The following PRKCA variants were observed in gnomAD, a reference collection of about 807,000 sequenced individuals.
PRKCA encodes protein kinase C alpha type.
PRKCA carries 27 observed loss-of-function variants against 87.0 expected under a neutral mutation model. That is an observed-to-expected ratio of 0.31 (90% CI 0.23 to 0.43). The LOEUF is 0.43. PRKCA is among the 20% of genes least tolerant of loss of function. PRKCA has a pLI of 1.00. For synonymous variants in PRKCA, 329 were observed against 311.1 expected (o/e 1.06, Z -0.61); for missense variants, 518 against 852.3 (o/e 0.61, Z 4.88).
At chr17:66,576,540 T>G (rs750508222) in intron 3 of PRKCA, among the ~76,000 whole-genome samples, 4 of 152,250 alleles carry the variant, frequency 2.6e-5, no homozygotes, top group Admixed American at 6.5e-5. Context: ...TGATTCCTAT[T>G]GGTTTTTGCA....
intron 3 of PRKCA, among the ~76,000 whole-genome samples, chr17:66,532,181 A>G (rs1191866798): frequency 6.6e-6 from 1 of 151,136 alleles, no homozygotes; most frequent in Admixed American, 6.6e-5. Flanking sequence ...AACAACCTTG[A>G]GTCCCTTGAG....
At chr17:66,665,964 C>T (rs969463985) in intron 5 of PRKCA, among the ~76,000 whole-genome samples, 6 of 152,122 alleles carry the variant, frequency 3.9e-5, no homozygotes, top group African/African-American at 7.2e-5. Context: ...CAGGTTCACT[C>T]TTGGGATGAC....
chr17:66,432,265 C>T (rs1913139195), intron 2 of PRKCA, among the ~76,000 whole-genome samples: 1 of 152,008 alleles, frequency 6.6e-6, no homozygotes, highest in Admixed American at 6.6e-5. Context: ...TGGATGAGTG[C>T]CTTGTTGATC....
At chr17:66,736,724 A>G (rs1974038258) in intron 10 of PRKCA, among the ~76,000 whole-genome samples, 1 of 152,210 alleles carries the variant, frequency 6.6e-6, no homozygotes, top group Non-Finnish European at 1.5e-5. Context: ...ATGGCTTGTG[A>G]GTTTAGGAAA....
intron 8 of PRKCA, among the ~76,000 whole-genome samples, chr17:66,721,742 T>C (rs1973621709): frequency 6.6e-6 from 1 of 152,218 alleles, no homozygotes; most frequent in Non-Finnish European, 1.5e-5. Flanking sequence ...TTGGCTGGCT[T>C]CATTACTGCA....
intron 3 of PRKCA, among the ~76,000 whole-genome samples, chr17:66,610,424 G>A (rs1454985088): frequency 6.6e-6 from 1 of 152,144 alleles, no homozygotes; most frequent in African/African-American, 2.4e-5. Flanking sequence ...CCTTCCTGGA[G>A]ACTGGGGAGC....
At chr17:66,634,232 A>G (rs145495446) in intron 3 of PRKCA, among the ~76,000 whole-genome samples, 2 of 152,334 alleles carry the variant, frequency 1.3e-5, no homozygotes, top group African/African-American at 4.8e-5. Flanking sequence ...GTTTAGATTT[A>G]GATTTGTAGG....
intron 2 of PRKCA, among the ~76,000 whole-genome samples, chr17:66,437,005 C>T (rs911739634): frequency 6.6e-6 from 1 of 151,926 alleles, no homozygotes; most frequent in Non-Finnish European, 1.5e-5. Context: ...ATATGGGAAC[C>T]GTGATGGGAG....
At chr17:66,604,933 A>C (rs1020286457) in intron 3 of PRKCA, among the ~76,000 whole-genome samples, 1 of 152,050 alleles carries the variant, frequency 6.6e-6, no homozygotes, top group African/African-American at 2.4e-5. Context: ...TTGTTAAACC[A>C]GGATGGTAAA....
chr17:66,335,203 A>G (rs1314028392), intron 2 of PRKCA, among the ~76,000 whole-genome samples: 2 of 152,094 alleles, frequency 1.3e-5, no homozygotes, highest in Non-Finnish European at 2.9e-5. Flanking sequence ...ATCATAGCTC[A>G]TGACATCCTC....
chr17:66,590,773 C>T (rs1186497369), intron 3 of PRKCA, among the ~76,000 whole-genome samples: 1 of 152,104 alleles, frequency 6.6e-6, no homozygotes, highest in Non-Finnish European at 1.5e-5. Context: ...TCACTTGAAC[C>T]CGGGAGGCGG....
intron 3 of PRKCA, 86 bp downstream of exon 3, chr17:66,496,369 G>A (rs1457352297): frequency 3.4e-6 from 4 of 1,165,576 alleles, no homozygotes; most frequent in Non-Finnish European, 5.1e-6. Flanking sequence ...GTTAGTTTTG[G>A]CACTTACTGT....
At chr17:66,525,717 T>C (rs1967324347) in intron 3 of PRKCA, among the ~76,000 whole-genome samples, 1 of 152,148 alleles carries the variant, frequency 6.6e-6, no homozygotes, top group Non-Finnish European at 1.5e-5. Context: ...TTCCTAGAAG[T>C]GTTGATGAAA....
At chr17:66,475,605 G>A (rs1439755613) in intron 2 of PRKCA, among the ~76,000 whole-genome samples, 2 of 152,142 alleles carry the variant, frequency 1.3e-5, no homozygotes, top group African/African-American at 4.8e-5. Context: ...ATCGAGGTAT[G>A]GAAAATGAAG....
At chr17:66,562,123 TATATATAATTAAATTA>T (rs1968715033) in intron 3 of PRKCA, among the ~76,000 whole-genome samples, 3 of 31,776 alleles carry the variant, frequency 9.4e-5, no homozygotes, top group East Asian at 1.2e-3. Flanking sequence ...TATAATTAAA[TATATATAATTAAATTA>T]TATATATAAT....
At chr17:66,441,621 C>T (rs930404771) in intron 2 of PRKCA, among the ~76,000 whole-genome samples, 2 of 152,172 alleles carry the variant, frequency 1.3e-5, no homozygotes, top group Non-Finnish European at 2.9e-5. Context: ...GACGTCTGTG[C>T]ACCTCCTCTG....
chr17:66,493,325 G>GTA (rs1352751070), intron 2 of PRKCA, among the ~76,000 whole-genome samples: 1 of 151,314 alleles, frequency 6.6e-6, no homozygotes, highest in East Asian at 1.9e-4. Flanking sequence ...GTGTGTGTGT[G>GTA]TATGTCTATT....
intron 13 of PRKCA, among the ~76,000 whole-genome samples, chr17:66,746,166 T>C (rs898975015): frequency 3.0e-5 from 4 of 134,360 alleles, no homozygotes; most frequent in African/African-American, 1.1e-4. Flanking sequence ...TTTTTTTTTT[T>C]TTTTTTTTTT....
chr17:66,456,775 C>G (rs977139502), intron 2 of PRKCA, among the ~76,000 whole-genome samples: 2 of 152,184 alleles, frequency 1.3e-5, no homozygotes, highest in African/African-American at 4.8e-5. Flanking sequence ...TAGCTTGAGC[C>G]CTGGGCCACA....
Sources: gnomAD v4.1 joint callset for allele counts (sites outside exome capture counted in the v4.1 genomes callset) on GRCh38, gnomAD v4.1.1 for gene constraint, MANE v1.5 for transcripts, NCBI Gene and HGNC (gene_info 2026-07-23, HGNC 2026-07-21) for gene names.